The following HOMER1 variants were observed in gnomAD, a reference collection of about 807,000 sequenced individuals.
The protein encoded by HOMER1 is homer protein homolog 1.
In HOMER1, 3 loss-of-function variants were observed where a neutral mutation model predicts 48.9. That is an observed-to-expected ratio of 0.06 (90% confidence interval 0.03 to 0.16). HOMER1 has a LOEUF of 0.16. Among genes scored for constraint, HOMER1 ranks in the 10% least tolerant of loss-of-function variants. The probability of loss-of-function intolerance (pLI) is 1.00; values close to 1 mark genes in which losing one functional copy is unlikely to be tolerated. For synonymous variants in HOMER1, 134 were observed against 146.4 expected (o/e 0.92, Z 0.61); for missense variants, 247 against 411.4 (o/e 0.60, Z 3.46).
At chr5:79,396,940 A>G (rs371744988) in intron 7 of HOMER1, 37 bp from the exon 8 acceptor site, 22 of 1,162,838 alleles carry the variant, frequency 1.9e-5, no homozygotes, top group African/African-American at 4.6e-5. Context: ...CATTCAAACT[A>G]TATCAAGGCA....
rs1748755200 is a variant in HOMER1 at position 79,375,829 on chromosome 5, G to A, written c.*180C>T. On this transcript the variant is annotated 3_prime_UTR_variant, in exon 9 of 9. Coordinates refer to ENST00000334082, the MANE Select transcript of HOMER1 (RefSeq NM_004272.5). ...ATCTTTTTTCCCCAACTAGCTACAAGCTGGATTCTAAAATTTACAGTGAAA... is the reference window on the plus strand; with the variant it reads ...ATCTTTTTTCCCCAACTAGCTACAAACTGGATTCTAAAATTTACAGTGAAA... The A allele has an allele frequency of 2.5e-6, 1 of 407,756 alleles. No individual in the cohort carries two copies. The highest frequency in any genetic ancestry group is 2.1e-5 in the African/African-American group (1 of 48,438). 25.3% of individuals were successfully genotyped at this position (407,756 alleles called of 1,614,324 possible).
intron 4 of HOMER1, among the ~76,000 whole-genome samples, chr5:79,444,705 A>G (rs1280505325): frequency 6.6e-6 from 1 of 152,176 alleles, no homozygotes; most frequent in Non-Finnish European, 1.5e-5. Context: ...AATCCATCAC[A>G]CTTTTATTAA....
At chr5:79,441,616 A>G (rs1580453592) in intron 4 of HOMER1, among the ~76,000 whole-genome samples, 2 of 152,118 alleles carry the variant, frequency 1.3e-5, no homozygotes, top group Admixed American at 1.3e-4. Flanking sequence ...CAAAAAGCCC[A>G]CCCAAAGCAT....
rs115803338 is a variant in HOMER1 at position 79,455,175 on chromosome 5, G to C, written c.162+1687C>G. On this transcript the variant is annotated intron_variant, in intron 2 of 8. Coordinates refer to ENST00000334082, the MANE Select transcript of HOMER1 (RefSeq NM_004272.5). Reference sequence around the variant, plus strand: ...TGGTCTCAAACTCCTGGTCTCAAGTGATCCTCATGCCTCGGCCTCCCAAAG... The same window carrying C: ...TGGTCTCAAACTCCTGGTCTCAAGTCATCCTCATGCCTCGGCCTCCCAAAG... Among the ~76,000 whole-genome samples the C allele has an allele frequency of 8.0e-3, 1,208 of 151,572 alleles. 14 individuals are homozygous for C. The highest frequency in any genetic ancestry group is 0.026 in the African/African-American group (1,079 of 41,300).
At chr5:79,504,683 T>C (rs1561391143) in intron 1 of HOMER1, among the ~76,000 whole-genome samples, 2 of 152,128 alleles carry the variant, frequency 1.3e-5, no homozygotes, top group African/African-American at 4.8e-5. Flanking sequence ...GAACAACTCT[T>C]ATAAATACTT....
At chr5:79,415,295 G>T (rs1749914070) in intron 5 of HOMER1, among the ~76,000 whole-genome samples, 1 of 151,518 alleles carries the variant, frequency 6.6e-6, no homozygotes, top group Non-Finnish European at 1.5e-5. Context: ...CCTGGGCCCA[G>T]GCAATCCACC....
chr5:79,460,130 C>T (rs1043815974), intron 1 of HOMER1, among the ~76,000 whole-genome samples: 1 of 152,130 alleles, frequency 6.6e-6, no homozygotes, highest in African/African-American at 2.4e-5. Context: ...GCTAGGATTA[C>T]AGGAGTAAGC....
Position 79,372,806 on chromosome 5 carries a change from A to C in HOMER1, c.*3203T>G, listed in dbSNP as rs1374762307. On this transcript the variant is annotated 3_prime_UTR_variant, in exon 9 of 9. Transcript: ENST00000334082. The stretch of plus-strand genomic sequence containing the variant: ...GGAGACTGTAGCCCACATGTTAAAG[A>C]ATACATTTAATTTTAACAGGGCAAA... The C allele has an allele frequency of 1.3e-5, 2 of 152,178 alleles. No individual in the cohort carries two copies. Among genetic ancestry groups the C allele is most frequent in the Admixed American group, 6.6e-5 (1 of 15,262 alleles). The allele number at this position is 152,178 out of a possible 1,614,324, so 9.4% of individuals were successfully genotyped here. A position where few individuals can be genotyped will look rare whatever the true frequency, so the allele number is the denominator to read the frequency against.
intron 5 of HOMER1, among the ~76,000 whole-genome samples, chr5:79,420,191 G>C (rs1750058917): frequency 6.6e-6 from 1 of 152,018 alleles, no homozygotes; most frequent in East Asian, 1.9e-4. Flanking sequence ...AGATGTTATT[G>C]GCTAGTGAAC....
rs1435216299 is a variant in HOMER1, at chr5:79,387,117, CATTCTATCACCCAGACGTACACGTT to C, written c.876+9681_876+9705del. 2.7e-5 allele frequency among the ~76,000 whole-genome samples: 4 copies of C among 147,122 alleles called. No individual in the cohort carries two copies. In the East Asian group the frequency reaches 6.3e-4, roughly 23 times the overall value. On this transcript the variant is annotated intron_variant, in intron 8 of 8. Coordinates refer to ENST00000334082, the MANE Select transcript of HOMER1 (RefSeq NM_004272.5). ...TCTCTCTCTTTCTTTCACAAGGTCT[CATTCTATCACCCAGACGTACACGTT>C]TCTTTCTTTCACAAGGTCTCATTCT...
At chr5:79,497,508 A>C (rs919177679) in intron 1 of HOMER1, among the ~76,000 whole-genome samples, 1 of 151,788 alleles carries the variant, frequency 6.6e-6, no homozygotes, top group African/African-American at 2.4e-5. Context: ...TAAATAAATA[A>C]ATAAATAATT....
At chr5:79,506,975 A>G (rs545042765) in intron 1 of HOMER1, among the ~76,000 whole-genome samples, 197 of 152,178 alleles carry the variant, frequency 1.3e-3, no homozygotes, top group African/African-American at 4.6e-3. Context: ...GCACTTTGGG[A>G]GGCCGAGGCA....
At chr5:79,406,635 T>C (rs1482603834) in intron 5 of HOMER1, among the ~76,000 whole-genome samples, 2 of 152,178 alleles carry the variant, frequency 1.3e-5, no homozygotes, top group Non-Finnish European at 2.9e-5. Flanking sequence ...CTTAAACCAA[T>C]GGGAGAAGGA....
chr5:79,510,626 A>G (rs1026143399), intron 1 of HOMER1: 1 of 901,540 alleles, frequency 1.1e-6, no homozygotes, highest in Non-Finnish European at 1.8e-6. Flanking sequence ...TGCCAAGGCC[A>G]TGAGTGCACA....
At chr5:79,497,059 CAAAAAAAAA>C (rs5868996) in intron 1 of HOMER1, among the ~76,000 whole-genome samples, 1 of 52,782 alleles carries the variant, frequency 1.9e-5, no homozygotes, top group Non-Finnish European at 3.5e-5. Flanking sequence ...GACTTTGTCT[CAAAAAAAAA>C]AAAAAAAAAA....
chr5:79,405,516 CT>C (rs1267268313), intron 5 of HOMER1, among the ~76,000 whole-genome samples: 1 of 152,200 alleles, frequency 6.6e-6, no homozygotes, highest in Non-Finnish European at 1.5e-5. Flanking sequence ...ATGAGCTCTT[CT>C]TCTCAATCAG....
chr5:79,458,186 C>G (rs958424391), intron 1 of HOMER1, among the ~76,000 whole-genome samples: 1 of 151,920 alleles, frequency 6.6e-6, no homozygotes, highest in Non-Finnish European at 1.5e-5. Context: ...ACAGTATGAA[C>G]AACAGGCATA....
At position 79,374,038 on chromosome 5, in the gene HOMER1, A is replaced by AT. The variant is rs964315387; in HGVS notation, c.*1970dup. Reference sequence around the variant, plus strand: ...TTCAACAGCTTACACTGTTTTTTAAATTTTTTTAACTCTTCATACTAAACT... The same window carrying AT: ...TTCAACAGCTTACACTGTTTTTTAAATTTTTTTTAACTCTTCATACTAAACT... On this transcript the variant is annotated 3_prime_UTR_variant, in exon 9 of 9. Transcript: ENST00000334082. The AT allele has an allele frequency of 3.3e-5, 5 of 152,226 alleles. No homozygotes were observed. Among genetic ancestry groups the AT allele is most frequent in the East Asian group, 1.9e-4 (1 of 5,184 alleles). 9.4% of individuals were successfully genotyped at this position (152,226 alleles called of 1,614,324 possible).
intron 6 of HOMER1, among the ~76,000 whole-genome samples, chr5:79,398,748 A>G (rs1389724804): frequency 6.6e-6 from 1 of 152,104 alleles, no homozygotes; most frequent in African/African-American, 2.4e-5. Flanking sequence ...AACCTTCTCA[A>G]CCATCCACAC....
Sources: allele counts gnomAD v4.1 joint callset (sites outside exome capture counted in the v4.1 genomes callset), GRCh38; gene constraint gnomAD v4.1.1; transcripts MANE v1.5; gene names NCBI Gene and HGNC (gene_info 2026-07-23, HGNC 2026-07-21).